The following MALRD1 variants were observed in gnomAD, a reference collection of about 807,000 sequenced individuals.
The protein encoded by MALRD1 is MAM and LDL receptor class A domain containing 1.
In MALRD1, 247 loss-of-function variants were observed where a neutral mutation model predicts 242.1. The ratio of observed to expected loss-of-function variants is 1.02; its 90% CI spans 0.92 to 1.13. The LOEUF (loss-of-function observed/expected upper bound fraction) is 1.13. MALRD1 is among the 50% of genes most tolerant of loss of function. MALRD1 has a pLI of 0.00. For synonymous variants in MALRD1, 995 were observed against 866.6 expected (o/e 1.15, Z -2.60); for missense variants, 2,989 against 2,533.1 (o/e 1.18, Z -3.86).
At chr10:19,220,639 T>C (rs1339726928) in intron 18 of MALRD1, among the ~76,000 whole-genome samples, 2 of 152,180 alleles carry the variant, frequency 1.3e-5, no homozygotes, top group East Asian at 1.9e-4. Context: ...AGATGCGTTC[T>C]AGATACTCCA....
chr10:19,621,647 C>A (rs748775315), intron 36 of MALRD1, among the ~76,000 whole-genome samples: 54 of 151,616 alleles, frequency 3.6e-4, no homozygotes, highest in Non-Finnish European at 5.9e-4. Flanking sequence ...AATAGTAGAA[C>A]AGAACTAACA....
chr10:19,674,631 T>G (rs1273069921), intron 36 of MALRD1, among the ~76,000 whole-genome samples: 4 of 152,164 alleles, frequency 2.6e-5, no homozygotes, highest in Non-Finnish European at 2.9e-5. Context: ...AAGATCTTAC[T>G]GGAAATAAGA....
At chr10:19,582,047 T>C (rs1225457527) in intron 33 of MALRD1, among the ~76,000 whole-genome samples, 1 of 152,222 alleles carries the variant, frequency 6.6e-6, no homozygotes, top group Non-Finnish European at 1.5e-5. Context: ...TTCATGTCCT[T>C]TGCCCACTTT....
intron 34 of MALRD1, among the ~76,000 whole-genome samples, chr10:19,604,525 A>C (rs750913597): frequency 6.6e-6 from 1 of 152,200 alleles, no homozygotes; most frequent in Non-Finnish European, 1.5e-5. Flanking sequence ...GAAAGAAACT[A>C]TCACCATAAC....
intron 38 of MALRD1, chr10:19,722,654 A>C (rs1259890665): frequency 6.7e-6 from 1 of 149,924 alleles, no homozygotes; most frequent in Non-Finnish European, 1.5e-5. Flanking sequence ...AGTGATTATT[A>C]ATTTTGACAC....
intron 18 of MALRD1, among the ~76,000 whole-genome samples, chr10:19,221,999 A>G (rs1031276324): frequency 2.0e-5 from 3 of 152,142 alleles, no homozygotes; most frequent in African/African-American, 7.2e-5. Flanking sequence ...GAGTGTGAAC[A>G]TAAATGCTTT....
intron 12 of MALRD1, among the ~76,000 whole-genome samples, chr10:19,161,636 T>C (rs1472500205): frequency 6.7e-6 from 1 of 149,198 alleles, no homozygotes; most frequent in African/African-American, 2.5e-5. Flanking sequence ...TTCACTTACA[T>C]GCTTTGCAGA....
chr10:19,728,938 G>A (rs1178550355), intron 38 of MALRD1, among the ~76,000 whole-genome samples: 1 of 152,096 alleles, frequency 6.6e-6, no homozygotes, highest in African/African-American at 2.4e-5. Flanking sequence ...ATTAATCAGA[G>A]CAACTAATAA....
intron 36 of MALRD1, among the ~76,000 whole-genome samples, chr10:19,672,966 T>A (rs1313368199): frequency 2.0e-5 from 3 of 152,180 alleles, no homozygotes; most frequent in Non-Finnish European, 4.4e-5. Flanking sequence ...TTGAGGAAAT[T>A]CTTAAGTACA....
intron 19 of MALRD1, among the ~76,000 whole-genome samples, chr10:19,268,344 T>G (rs1840052888): frequency 1.3e-5 from 2 of 152,126 alleles, no homozygotes; most frequent in Non-Finnish European, 2.9e-5. Context: ...TAAAACCTTT[T>G]CACCTAGAAA....
intron 31 of MALRD1, among the ~76,000 whole-genome samples, chr10:19,509,623 GGTACAGTATCGA>G (rs1237870018): frequency 1.3e-5 from 2 of 152,136 alleles, no homozygotes; most frequent in Non-Finnish European, 2.9e-5. Context: ...GAACTCACAA[GGTACAGTATCGA>G]GTCAGCTGAA....
intron 1 of MALRD1, among the ~76,000 whole-genome samples, chr10:19,052,342 A>G (rs972090635): frequency 6.6e-5 from 10 of 152,314 alleles, no homozygotes; most frequent in African/African-American, 2.4e-4. Context: ...TTATCTTAAC[A>G]TACTGTAAAT....
intron 29 of MALRD1, among the ~76,000 whole-genome samples, chr10:19,451,180 T>C (rs1040379495): frequency 9.9e-5 from 15 of 152,200 alleles, no homozygotes; most frequent in African/African-American, 3.4e-4. Context: ...TATTTACATG[T>C]ATTTACCTAA....
intron 27 of MALRD1, 73 bp downstream of exon 27, chr10:19,387,846 C>T: frequency 6.7e-7 from 1 of 1,483,968 alleles, no homozygotes; most frequent in Non-Finnish European, 9.0e-7. Context: ...TTTCTGATAG[C>T]AACTGGGGAG....
intron 32 of MALRD1, among the ~76,000 whole-genome samples, 163 bp from the exon 33 acceptor site, chr10:19,567,339 A>G (rs976427577): frequency 2.0e-5 from 3 of 152,188 alleles, no homozygotes; most frequent in Admixed American, 2.0e-4. Context: ...TATAACATCC[A>G]TTGGCTCACT....
intron 29 of MALRD1, chr10:19,491,199 G>T: frequency 1.8e-6 from 1 of 543,726 alleles, no homozygotes; most frequent in Non-Finnish European, 3.4e-6. Flanking sequence ...TTTGGTGGCA[G>T]GCTGCACATA....
At chr10:19,115,586 A>T (rs1272312101) in intron 5 of MALRD1, among the ~76,000 whole-genome samples, 1 of 152,184 alleles carries the variant, frequency 6.6e-6, no homozygotes, top group African/African-American at 2.4e-5. Context: ...TGGCTTATTT[A>T]TTATACTCTT....
At chr10:19,225,259 C>T (rs946473497) in intron 18 of MALRD1, among the ~76,000 whole-genome samples, 10 of 152,062 alleles carry the variant, frequency 6.6e-5, no homozygotes, top group African/African-American at 2.4e-4. Flanking sequence ...GTTCAGTCTC[C>T]AGGAATGTTG....
intron 29 of MALRD1, among the ~76,000 whole-genome samples, chr10:19,472,128 T>A (rs1003086142): frequency 3.9e-5 from 6 of 152,058 alleles, no homozygotes; most frequent in African/African-American, 1.4e-4. Flanking sequence ...TTGAAATTTG[T>A]CAAATGCTTT....
Sources: allele counts gnomAD v4.1 joint callset (sites outside exome capture counted in the v4.1 genomes callset), GRCh38; gene constraint gnomAD v4.1.1; transcripts MANE v1.5; gene names NCBI Gene and HGNC (gene_info 2026-07-23, HGNC 2026-07-21).